NRG3: variants seen among roughly 807,000 people sequenced by gnomAD.
NRG3 encodes neuregulin 3.
A neutral mutation model predicts 66.9 loss-of-function variants in NRG3; 31 were observed. The observed-to-expected ratio is 0.46, with a 90% CI of 0.35 to 0.63. The LOEUF is 0.63. NRG3 is among the 20% of genes least tolerant of loss of function. The probability of loss-of-function intolerance (pLI) is 0.00; values close to 1 mark genes in which losing one functional copy is unlikely to be tolerated. For synonymous variants in NRG3, 393 were observed against 359.4 expected (o/e 1.09, Z -1.06); for missense variants, 910 against 878.9 (o/e 1.04, Z -0.45).
chr10:82,945,178 A>T lies in NRG3; in HGVS notation c.1055-6291A>T, dbSNP rs146424545. 6.4e-3 allele frequency among the ~76,000 whole-genome samples: 980 copies of T among 152,322 alleles called. 6 individuals are homozygous for T. The highest frequency in any genetic ancestry group is 0.021 in the African/African-American group (880 of 41,568). ...CAGCACCAAATGAAGCTAGTCTAGAATATAAAACCAGGCAGCATACCAGTG... is the reference window on the plus strand; with the variant it reads ...CAGCACCAAATGAAGCTAGTCTAGATTATAAAACCAGGCAGCATACCAGTG... On this transcript the variant is annotated intron_variant, in intron 4 of 8. Transcript: ENST00000372141.
At chr10:82,981,927 C>T (rs973343827) in intron 8 of NRG3, among the ~76,000 whole-genome samples, 3 of 152,138 alleles carry the variant, frequency 2.0e-5, no homozygotes, top group Non-Finnish European at 4.4e-5. Context: ...TAGCTAGCAA[C>T]TTTATATACT....
intron 2 of NRG3, among the ~76,000 whole-genome samples, chr10:82,515,974 A>G (rs1463116698): frequency 3.3e-5 from 5 of 152,218 alleles, no homozygotes; most frequent in Non-Finnish European, 7.3e-5. Flanking sequence ...CATCCAAGAC[A>G]GTTTGTACCA....
At chr10:82,446,197 C>T (rs2090711689) in intron 2 of NRG3, among the ~76,000 whole-genome samples, 1 of 152,212 alleles carries the variant, frequency 6.6e-6, no homozygotes, top group African/African-American at 2.4e-5. Flanking sequence ...GCTTTGGCAT[C>T]TTTCTCACAG....
intron 1 of NRG3, among the ~76,000 whole-genome samples, chr10:82,327,377 A>G (rs963544329): frequency 1.3e-5 from 2 of 152,204 alleles, no homozygotes; most frequent in Non-Finnish European, 2.9e-5. Flanking sequence ...CTGAGCTTTC[A>G]GTGTGGAGAT....
intron 1 of NRG3, among the ~76,000 whole-genome samples, chr10:82,354,649 C>T (rs1191663092): frequency 2.6e-5 from 4 of 152,128 alleles, no homozygotes; most frequent in Non-Finnish European, 5.9e-5. Flanking sequence ...ATCTTGGCCT[C>T]CCAAATTGCT....
chr10:82,349,644 G>T lies in NRG3; in HGVS notation c.824-9095G>T, dbSNP rs1024311488. Among the ~76,000 whole-genome samples the T allele has an allele frequency of 2.0e-5, 3 of 151,898 alleles. No homozygotes were observed. In the South Asian group the frequency reaches 6.2e-4, roughly 32 times the overall value. On this transcript the variant is annotated intron_variant, in intron 1 of 8. Transcript: ENST00000372141. ...TTTACCTAAGCAAGCCTGGGCAATGGCGGGCGCCCCTCCCCCAACCTCGCT... is the reference window on the plus strand; with the variant it reads ...TTTACCTAAGCAAGCCTGGGCAATGTCGGGCGCCCCTCCCCCAACCTCGCT...
intron 1 of NRG3, among the ~76,000 whole-genome samples, chr10:82,122,870 A>G (rs1297407518): frequency 2.0e-5 from 3 of 152,064 alleles, no homozygotes; most frequent in South Asian, 2.1e-4. Flanking sequence ...TTTTTACTAC[A>G]TGATGTCCGC....
At chr10:82,177,271 G>C (rs1019791613) in intron 1 of NRG3, among the ~76,000 whole-genome samples, 1 of 151,848 alleles carries the variant, frequency 6.6e-6, no homozygotes, top group Non-Finnish European at 1.5e-5. Context: ...AATCTAAGGA[G>C]AAACTAAAAG....
intron 2 of NRG3, among the ~76,000 whole-genome samples, chr10:82,625,386 A>G (rs952812905): frequency 6.6e-6 from 1 of 152,124 alleles, no homozygotes; most frequent in African/African-American, 2.4e-5. Flanking sequence ...AAATACACAG[A>G]TACTTTTTTT....
chr10:82,688,801 G>A (rs910895348), intron 2 of NRG3, among the ~76,000 whole-genome samples: 11 of 150,532 alleles, frequency 7.3e-5, no homozygotes, highest in East Asian at 5.8e-4. Context: ...AGAAAATGTC[G>A]CCTCAATAAT....
chr10:82,096,485 CAAAA>C (rs1001465517), intron 1 of NRG3, among the ~76,000 whole-genome samples: 7 of 150,396 alleles, frequency 4.7e-5, no homozygotes, highest in African/African-American at 1.5e-4. Flanking sequence ...AACGAACAAA[CAAAA>C]AAAAAACAAC....
intron 2 of NRG3, among the ~76,000 whole-genome samples, chr10:82,446,194 C>T (rs913226261): frequency 9.2e-5 from 14 of 152,206 alleles, no homozygotes; most frequent in African/African-American, 3.4e-4. Context: ...TCTGCTTTGG[C>T]ATCTTTCTCA....
At chr10:82,491,949 A>G (rs1017827633) in intron 2 of NRG3, among the ~76,000 whole-genome samples, 2 of 152,246 alleles carry the variant, frequency 1.3e-5, no homozygotes, top group Non-Finnish European at 2.9e-5. Context: ...AATCATTCAT[A>G]AGTATTTTCT....
At chr10:82,278,885 C>A (rs2078989670) in intron 1 of NRG3, among the ~76,000 whole-genome samples, 1 of 152,136 alleles carries the variant, frequency 6.6e-6, no homozygotes, top group Admixed American at 6.6e-5. Flanking sequence ...TGCTTTAGGT[C>A]TGAACTGGAA....
chr10:82,836,897 C>T (rs534597649), intron 3 of NRG3, among the ~76,000 whole-genome samples: 2,932 of 150,902 alleles, frequency 0.019, 79 homozygotes, highest in African/African-American at 0.064. Flanking sequence ...CCCCACTCCC[C>T]GCACCCTACA....
chr10:82,215,545 C>G (rs2075620573), intron 1 of NRG3, among the ~76,000 whole-genome samples: 1 of 152,092 alleles, frequency 6.6e-6, no homozygotes. Flanking sequence ...AGACAGTTTT[C>G]TGCAGAATCA....
At position 82,072,771 on chromosome 10, in the gene NRG3, T is replaced by C. The variant is rs112215512; in HGVS notation, c.823+196608T>C. 1.8e-3 allele frequency among the ~76,000 whole-genome samples: 279 copies of C among 151,840 alleles called. 1 individual carries two copies. The highest frequency in any genetic ancestry group is 6.3e-3 in the African/African-American group (263 of 41,482). ...CATTTTTTATATTTTTATTTTATTATTATTATTTTTTAAGAGACAGGGTCT... is the reference window on the plus strand; with the variant it reads ...CATTTTTTATATTTTTATTTTATTACTATTATTTTTTAAGAGACAGGGTCT... On this transcript the variant is annotated intron_variant, in intron 1 of 8. Transcript: ENST00000372141.
At chr10:82,422,090 G>A (rs2089123772) in intron 2 of NRG3, among the ~76,000 whole-genome samples, 1 of 152,002 alleles carries the variant, frequency 6.6e-6, no homozygotes, top group African/African-American at 2.4e-5. Flanking sequence ...GCTTCACCTT[G>A]GCCTCATCCA....
intron 2 of NRG3, among the ~76,000 whole-genome samples, chr10:82,471,003 C>G (rs1372726550): frequency 6.6e-6 from 1 of 152,148 alleles, no homozygotes; most frequent in Non-Finnish European, 1.5e-5. Context: ...CCCTGCACCT[C>G]TCTGTGCAAG....
Sources: gnomAD v4.1 joint callset for allele counts (sites outside exome capture counted in the v4.1 genomes callset) on GRCh38, gnomAD v4.1.1 for gene constraint, MANE v1.5 for transcripts, NCBI Gene and HGNC (gene_info 2026-07-23, HGNC 2026-07-21) for gene names.